USP3: variants seen among roughly 807,000 people sequenced by gnomAD.
The protein encoded by USP3 is ubiquitin carboxyl-terminal hydrolase 3.
Under a neutral mutation model 72.3 loss-of-function variants are expected in USP3, and 20 were observed. The ratio of observed to expected loss-of-function variants is 0.28; its 90% CI spans 0.19 to 0.40. The LOEUF (loss-of-function observed/expected upper bound fraction) is 0.40, where lower values mean the gene tolerates loss of function less well. USP3 is among the 10% of genes least tolerant of loss of function. USP3 has a pLI of 1.00. For synonymous variants in USP3, 222 were observed against 225.3 expected (o/e 0.99, Z 0.13); for missense variants, 479 against 633.9 (o/e 0.76, Z 2.62).
At chr15:63,572,072 C>G (rs1427185123) in intron 9 of USP3, among the ~76,000 whole-genome samples, 1 of 152,082 alleles carries the variant, frequency 6.6e-6, no homozygotes, top group Non-Finnish European at 1.5e-5. Context: ...TTAGTGCCAG[C>G]TAAAGGACCC....
Position 63,529,810 on chromosome 15 carries a change from A to G in USP3, c.92-2837A>G, listed in dbSNP as rs2066040819. Among the ~76,000 whole-genome samples the G allele has an allele frequency of 6.6e-6, 1 of 152,210 alleles. No homozygotes were observed. The highest frequency in any genetic ancestry group is 2.1e-4 in the South Asian group (1 of 4,832). On this transcript the variant is annotated intron_variant, in intron 1 of 14. Transcript: ENST00000380324. The surrounding 1 kb of genome is among the most constrained non-coding windows in gnomAD (Gnocchi z 4.2). The stretch of plus-strand genomic sequence containing the variant: ...AAAGGAGGGACAAAAATCCTCCATA[A>G]TTAAAAAAATATCCTGGGTAGTTAA...
rs2066287798 is a variant in USP3 at position 63,544,226 on chromosome 15, G to T, written c.284+7070G>T. Reference sequence around the variant, plus strand: ...ATACAAATATATACATATATATATAGAATATATATAGAGAGGGTAGTGGAT... The same window carrying T: ...ATACAAATATATACATATATATATATAATATATATAGAGAGGGTAGTGGAT... On this transcript the variant is annotated intron_variant, in intron 3 of 14. Coordinates refer to ENST00000380324, the MANE Select transcript of USP3 (RefSeq NM_006537.4). This position sits in a 1 kb window ranked among gnomAD's most constrained non-coding sequence, Gnocchi z 4.2. The T allele has an allele frequency of 6.7e-6, 1 of 148,416 alleles. No individual in the cohort carries two copies. The highest frequency in any genetic ancestry group is 2.5e-5 in the African/African-American group (1 of 40,672). 9.2% of individuals were successfully genotyped at this position (148,416 alleles called of 1,614,324 possible).
intron 1 of USP3, among the ~76,000 whole-genome samples, chr15:63,507,398 A>G (rs1388335346): frequency 2.0e-5 from 3 of 152,244 alleles, no homozygotes; most frequent in Admixed American, 2.0e-4. Context: ...ATCTGCAAAG[A>G]AAAGGGTAAT....
intron 1 of USP3, among the ~76,000 whole-genome samples, chr15:63,512,005 G>A (rs2065789522): frequency 7.2e-6 from 1 of 138,584 alleles, no homozygotes; most frequent in Non-Finnish European, 1.5e-5. Context: ...TCCCCAGGCT[G>A]GAGTGTGATG....
At position 63,537,037 on chromosome 15, in the gene USP3, C is replaced by T. The variant is rs757704333; in HGVS notation, c.165C>T (p.Gly55=). 6.2e-7 allele frequency: 1 copy of T among 1,612,558 alleles called. No individual in the cohort carries two copies. The highest frequency in any genetic ancestry group is 1.1e-5 in the South Asian group (1 of 90,750). ...TGGTTTTTGTAAGGTATGTGAATGG[C>T]CATGCAAAAAAACATTATGAAGATG... ...SSVHCGRYVN[G]HAKKHYEDAQ... is the part of the protein sequence containing the mutation. Residue 55 remains glycine, a synonymous_variant, in exon 3 of 15, where the codon GGC becomes GGT. Coordinates refer to ENST00000380324, the MANE Select transcript of USP3 (RefSeq NM_006537.4).
intron 11 of USP3, among the ~76,000 whole-genome samples, chr15:63,577,759 T>C (rs919122929): frequency 6.6e-6 from 1 of 151,028 alleles, no homozygotes; most frequent in Non-Finnish European, 1.5e-5. Context: ...TCAAAATAAA[T>C]AAATAAAATA....
At chr15:63,587,925 C>CT (rs569420655) in intron 11 of USP3, 22 of 156,778 alleles carry the variant, frequency 1.4e-4, no homozygotes, top group East Asian at 3.8e-4. Context: ...CTAAATTTGA[C>CT]TTTTTTTTAT....
At chr15:63,524,195 C>G (rs908757109) in intron 1 of USP3, among the ~76,000 whole-genome samples, 33 of 152,202 alleles carry the variant, frequency 2.2e-4, no homozygotes, top group African/African-American at 7.2e-4. Context: ...AGGACAGTGG[C>G]AGCTTAGTTG....
Position 63,547,452 on chromosome 15 carries a change from G to A in USP3, c.285-6263G>A, listed in dbSNP as rs571346266. Among the ~76,000 whole-genome samples, 183 of 152,152 alleles carry A rather than the reference G, an allele frequency of 1.2e-3. 1 individual carries two copies. Among genetic ancestry groups the A allele is most frequent in the African/African-American group, 4.3e-3 (177 of 41,500 alleles). On this transcript the variant is annotated intron_variant, in intron 3 of 14. Transcript: ENST00000380324. ...GCCAAAATAAAATTGAGTTATGGCC[G>A]GGCATAGTGGCTCAGTCTTGTAATC... is the stretch of plus-strand genomic sequence containing the variant.
chr15:63,536,778 T>C (rs969115849), intron 2 of USP3, among the ~76,000 whole-genome samples: 2 of 151,488 alleles, frequency 1.3e-5, no homozygotes, highest in African/African-American at 2.4e-5. Flanking sequence ...GGTGTGAACC[T>C]AGGAGGTGGA....
In USP3 at chr15:63,528,966, A is replaced by G. The variant is rs941738523; in HGVS notation, c.92-3681A>G. The G allele has an allele frequency of 3.2e-5, 41 of 1,265,920 alleles. No homozygotes were observed. Among genetic ancestry groups the G allele is most frequent in the Non-Finnish European group, 4.0e-5 (39 of 970,156 alleles). 78.4% of individuals were successfully genotyped at this position (1,265,920 alleles called of 1,614,324 possible). A position where few individuals can be genotyped will look rare whatever the true frequency, so the allele number is the denominator to read the frequency against. ...AATATTCCCCAAAGCAATGCCATTTATTGGCTTCAGAATCCCTCATAATAC... is the reference window on the plus strand; with the variant it reads ...AATATTCCCCAAAGCAATGCCATTTGTTGGCTTCAGAATCCCTCATAATAC... On this transcript the variant is annotated intron_variant, in intron 1 of 14. Coordinates refer to ENST00000380324, the MANE Select transcript of USP3 (RefSeq NM_006537.4). The surrounding 1 kb of genome is among the most constrained non-coding windows in gnomAD (Gnocchi z 4.3).
In USP3 at chr15:63,513,424, G is replaced by A. The variant is rs529038246; in HGVS notation, c.91+8594G>A. Among the ~76,000 whole-genome samples, 137 of 152,190 alleles carry A rather than the reference G, an allele frequency of 9.0e-4. 1 individual carries two copies. The highest frequency in any genetic ancestry group is 1.7e-3 in the South Asian group (8 of 4,836). ...AAATGGAGTCTCACTCTGTCACCCA[G>A]TCTGGAGTGCAGTGGTGCAGTCATA... On this transcript the variant is annotated intron_variant, in intron 1 of 14. Coordinates refer to ENST00000380324, the MANE Select transcript of USP3 (RefSeq NM_006537.4).
In USP3 at chr15:63,588,265, AG is replaced by A. The variant is rs1222463264; in HGVS notation, c.1097-38del. The A allele has an allele frequency of 2.7e-6, 4 of 1,471,504 alleles. No individual in the cohort carries two copies. Among genetic ancestry groups the A allele is most frequent in the Non-Finnish European group, 3.7e-6 (4 of 1,077,912 alleles). 91.2% of individuals were successfully genotyped at this position (1,471,504 alleles called of 1,614,324 possible). ...TTCTACAGTACATTGCCTCTACAAA[AG>A]GCATCTTGTTTTAATGCTGCCAAAA... is the stretch of plus-strand genomic sequence containing the variant. On this transcript the variant is annotated intron_variant, in intron 11 of 14. Transcript: ENST00000380324. This position sits in a 1 kb window ranked among gnomAD's most constrained non-coding sequence, Gnocchi z 4.6.
intron 7 of USP3, among the ~76,000 whole-genome samples, chr15:63,561,983 C>A (rs943853648): frequency 6.6e-6 from 1 of 152,146 alleles, no homozygotes; most frequent in Non-Finnish European, 1.5e-5. Flanking sequence ...TTTGTTTCCT[C>A]ACATAAAAGT....
intron 11 of USP3, among the ~76,000 whole-genome samples, chr15:63,575,502 C>G (rs1430408641): frequency 6.6e-6 from 1 of 152,144 alleles, no homozygotes; most frequent in Non-Finnish European, 1.5e-5. Flanking sequence ...TTCTAGAAAT[C>G]TGTCAGATGA....
chr15:63,562,560 G>A (rs1470155526), intron 7 of USP3, among the ~76,000 whole-genome samples: 1 of 152,172 alleles, frequency 6.6e-6, no homozygotes, highest in Non-Finnish European at 1.5e-5. Flanking sequence ...TGCTTGTTTT[G>A]CATTTTGAAA....
Position 63,589,998 on chromosome 15 carries a change from G to C in USP3, c.1398-663G>C, listed in dbSNP as rs2067160018. The stretch of plus-strand genomic sequence containing the variant: ...ATTAGCACTAATTTAAAAATGTAAA[G>C]TTCTCTTAGGTTTTCTGCATTCAAT... On this transcript the variant is annotated intron_variant, in intron 14 of 14. Coordinates refer to ENST00000380324, the MANE Select transcript of USP3 (RefSeq NM_006537.4). Among the ~76,000 whole-genome samples, 3 of 152,094 alleles carry C rather than the reference G, an allele frequency of 2.0e-5. No individual in the cohort carries two copies. In the South Asian group the frequency reaches 6.2e-4, roughly 31 times the overall value.
intron 11 of USP3, among the ~76,000 whole-genome samples, chr15:63,583,118 G>C (rs190993221): frequency 1.3e-5 from 2 of 152,228 alleles, no homozygotes; most frequent in South Asian, 2.1e-4. Flanking sequence ...ATATAGGGGG[G>C]GGAAAAAGGC....
chr15:63,561,361 A>G (rs141905083), intron 7 of USP3, among the ~76,000 whole-genome samples: 8 of 152,306 alleles, frequency 5.3e-5, no homozygotes, highest in Non-Finnish European at 8.8e-5. Context: ...TGAGCTAATC[A>G]TACTGGGTGA....
Sources: gnomAD v4.1 joint callset for allele counts (sites outside exome capture counted in the v4.1 genomes callset) on GRCh38, gnomAD v4.1.1 for gene constraint, Gnocchi (gnomAD v3.1) non-coding constraint, MANE v1.5 for transcripts, NCBI Gene and HGNC (gene_info 2026-07-23, HGNC 2026-07-21) for gene names.